NAV2: variants seen among roughly 807,000 people sequenced by gnomAD.
The protein encoded by NAV2 is helicase, APC down-regulated 1.
A neutral mutation model predicts 223.2 loss-of-function variants in NAV2; 54 were observed. The ratio of observed to expected loss-of-function variants is 0.24; its 90% CI spans 0.19 to 0.30. The LOEUF is 0.30. Among genes scored for constraint, NAV2 ranks in the 10% least tolerant of loss-of-function variants. The probability of loss-of-function intolerance (pLI) is 1.00; values close to 1 mark genes in which losing one functional copy is unlikely to be tolerated. For synonymous variants in NAV2, 1,279 were observed against 1,239.3 expected, an observed-to-expected ratio of 1.03 and a Z score of -0.67; for missense variants, 2,806 against 3,147.5, an observed-to-expected ratio of 0.89 and a Z score of 2.60.
At chr11:19,767,711 T>A (rs1375003987) in intron 1 of NAV2, among the ~76,000 whole-genome samples, 1 of 152,242 alleles carries the variant, frequency 6.6e-6, no homozygotes, top group Non-Finnish European at 1.5e-5. Context: ...CATGTGCAGA[T>A]GAGCGAGCAG....
At chr11:19,503,115 T>G (rs2043011246) in intron 1 of NAV2, 1 of 152,156 alleles carries the variant, frequency 6.6e-6, no homozygotes, top group African/African-American at 2.4e-5. Flanking sequence ...TTAAATTGAG[T>G]TATATAATGC....
chr11:19,378,473 T>C lies in NAV2; in HGVS notation c.75+27446T>C, dbSNP rs373624405. Among the ~76,000 whole-genome samples, 122 of 152,278 alleles carry C rather than the reference T, an allele frequency of 8.0e-4. 1 individual carries two copies. Among genetic ancestry groups the C allele is most frequent in the Middle Eastern group, 3.4e-3 (1 of 292 alleles). ...GGGAGGTGGTGCGGGGTGCACGCAC[T>C]GAATCGCTGATAGATGCCATGCACG... On this transcript the variant is annotated intron_variant, in intron 1 of 37. Transcript: ENST00000360655.
chr11:20,000,983 T>C (rs1363140046), intron 11 of NAV2, among the ~76,000 whole-genome samples: 1 of 152,188 alleles, frequency 6.6e-6, no homozygotes. Context: ...GTGTGCCACC[T>C]GCCTGCTGAA....
intron 1 of NAV2, among the ~76,000 whole-genome samples, chr11:19,612,233 T>C (rs1032466688): frequency 6.6e-5 from 10 of 152,170 alleles, no homozygotes; most frequent in Non-Finnish European, 2.9e-5. Flanking sequence ...GAGAGCATTT[T>C]TTCCTCCTGG....
At chr11:19,385,480 A>G (rs1328875954) in intron 1 of NAV2, among the ~76,000 whole-genome samples, 1 of 152,214 alleles carries the variant, frequency 6.6e-6, no homozygotes, top group Non-Finnish European at 1.5e-5. Context: ...CCTCAGATAT[A>G]TGTATTATCT....
At chr11:19,983,172 C>T (rs538521735) in intron 10 of NAV2, among the ~76,000 whole-genome samples, 1 of 152,230 alleles carries the variant, frequency 6.6e-6, no homozygotes, top group Non-Finnish European at 1.5e-5. Context: ...AACCAGTCTC[C>T]TTTATGGGGG....
At chr11:19,704,182 CT>C (rs2049592696) in intron 1 of NAV2, among the ~76,000 whole-genome samples, 1 of 152,128 alleles carries the variant, frequency 6.6e-6, no homozygotes, top group African/African-American at 2.4e-5. Context: ...AGACCACCCC[CT>C]GTAACTGGTG....
At chr11:20,011,781 G>A (rs1467170531) in intron 11 of NAV2, among the ~76,000 whole-genome samples, 2 of 152,204 alleles carry the variant, frequency 1.3e-5, no homozygotes, top group Non-Finnish European at 2.9e-5. Flanking sequence ...CATTCTTAAT[G>A]GTCACACACA....
chr11:19,918,490 C>T (rs1389492386), intron 6 of NAV2, among the ~76,000 whole-genome samples: 4 of 152,270 alleles, frequency 2.6e-5, no homozygotes, highest in African/African-American at 4.8e-5. Context: ...AAATTCACGA[C>T]GTGCAACTGA....
chr11:19,477,313 C>G (rs2632032), intron 1 of NAV2, among the ~76,000 whole-genome samples: 82,329 of 152,100 alleles, frequency 0.54, 22,271 homozygotes, highest in Admixed American at 0.58. Context: ...TACATTACAC[C>G]AAAACCTCCT....
At chr11:19,610,116 C>A (rs1258120783) in intron 1 of NAV2, among the ~76,000 whole-genome samples, 2 of 152,206 alleles carry the variant, frequency 1.3e-5, no homozygotes, top group Admixed American at 1.3e-4. Flanking sequence ...CATTTGACAG[C>A]AATCATATCC....
chr11:20,057,896 G>A (rs910264664), intron 19 of NAV2, among the ~76,000 whole-genome samples: 1 of 152,236 alleles, frequency 6.6e-6, no homozygotes, highest in Non-Finnish European at 1.5e-5. Flanking sequence ...TTGCCCACAA[G>A]CAGTGTCTAG....
rs569446282 is a variant in NAV2 at position 19,859,137 on chromosome 11, CTTTTTTT to C, written c.439-9772_439-9766del. Among the ~76,000 whole-genome samples the C allele has an allele frequency of 4.5e-4, 48 of 107,114 alleles. 1 individual carries two copies. In the East Asian group the frequency reaches 0.014, roughly 31 times the overall value. 70.3% of individuals were successfully genotyped at this position (107,114 alleles called of 152,430 possible). On this transcript the variant is annotated intron_variant, in intron 3 of 37. Coordinates refer to ENST00000349880, the MANE Select transcript of NAV2 (RefSeq NM_145117.5). ...ATGGAGGAGTCCAAAATCATATTCTCTTTTTTTTTTTTTTTTTTTTTTATTGATCATT... is the reference window on the plus strand; with the variant it reads ...ATGGAGGAGTCCAAAATCATATTCTCTTTTTTTTTTTTTTTATTGATCATT...
chr11:19,923,600 C>G (rs1293326608), intron 6 of NAV2, among the ~76,000 whole-genome samples: 1 of 152,186 alleles, frequency 6.6e-6, no homozygotes, highest in Non-Finnish European at 1.5e-5. Context: ...AAGGGGCCTA[C>G]AGAATTCCTT....
At chr11:19,365,100 T>C (rs1352833211) in intron 1 of NAV2, among the ~76,000 whole-genome samples, 1 of 152,164 alleles carries the variant, frequency 6.6e-6, no homozygotes, top group Non-Finnish European at 1.5e-5. Flanking sequence ...TTCACAGATA[T>C]GGATGATAGA....
chr11:19,538,977 TAGAAC>T (rs1186230695), intron 1 of NAV2, among the ~76,000 whole-genome samples: 1 of 152,124 alleles, frequency 6.6e-6, no homozygotes, highest in East Asian at 1.9e-4. Flanking sequence ...TTCCAATACT[TAGAAC>T]AGAGCCTGGC....
At chr11:19,443,850 A>G (rs913896666) in intron 1 of NAV2, among the ~76,000 whole-genome samples, 1 of 152,238 alleles carries the variant, frequency 6.6e-6, no homozygotes, top group Non-Finnish European at 1.5e-5. Context: ...ATATAATTGT[A>G]TCAAGTACTT....
chr11:19,395,780 T>C (rs1306208929), intron 1 of NAV2, among the ~76,000 whole-genome samples: 7 of 152,194 alleles, frequency 4.6e-5, no homozygotes, highest in Admixed American at 3.3e-4. Context: ...TGATCCTCTT[T>C]CCCCCTCTCC....
intron 1 of NAV2, among the ~76,000 whole-genome samples, chr11:19,446,466 G>T (rs1851586357): frequency 6.6e-6 from 1 of 152,150 alleles, no homozygotes; most frequent in Admixed American, 6.5e-5. Context: ...GGGTTTAAAT[G>T]AAAGTTGACA....
Sources: gnomAD v4.1 joint callset for allele counts (sites outside exome capture counted in the v4.1 genomes callset) on GRCh38, gnomAD v4.1.1 for gene constraint, MANE v1.5 for transcripts, NCBI Gene and HGNC (gene_info 2026-07-23, HGNC 2026-07-21) for gene names.